UFL1: variants seen among roughly 807,000 people sequenced by gnomAD.
UFL1 encodes the protein UFM1 specific ligase 1.
In UFL1, 78 loss-of-function variants were observed where a neutral mutation model predicts 99.3. The ratio of observed to expected loss-of-function variants is 0.79; its 90% CI spans 0.65 to 0.95. The LOEUF (loss-of-function observed/expected upper bound fraction) is 0.95. Ranked by LOEUF, UFL1 falls within the 40% of genes least tolerant of loss-of-function variation. The pLI, the probability that UFL1 is intolerant of heterozygous loss-of-function variation, is 0.00. For missense variants in UFL1, 936 were observed against 937.0 expected (o/e 1.00, Z 0.01); for synonymous variants, 335 against 322.2 (o/e 1.04, Z -0.42).
rs182918573 is a variant in UFL1 at position 96,541,712 on chromosome 6, C to G, written c.1279+1057C>G. On this transcript the variant is annotated intron_variant, in intron 11 of 18. Coordinates refer to ENST00000369278, the MANE Select transcript of UFL1 (RefSeq NM_015323.5). ...GCCTTACTCAATTGATGACTTATGTCAGTATAACTAGTCTATTTAATATTT... is the reference window on the plus strand; with the variant it reads ...GCCTTACTCAATTGATGACTTATGTGAGTATAACTAGTCTATTTAATATTT... Among the ~76,000 whole-genome samples the G allele has an allele frequency of 2.0e-5, 3 of 151,206 alleles. No homozygotes were observed. The Admixed American group carries it at 2.0e-4, about 10-fold the overall frequency.
rs755280673 is a variant in UFL1 at position 96,523,127 on chromosome 6, C to CT, written c.78-12dup. 1.3e-6 allele frequency: 2 copies of CT among 1,580,978 alleles called. No individual in the cohort carries two copies. Among genetic ancestry groups the CT allele is most frequent in the Non-Finnish European group, 1.7e-6 (2 of 1,165,020 alleles). On this transcript the variant is annotated intron_variant, in intron 1 of 18. Coordinates refer to ENST00000369278, the MANE Select transcript of UFL1 (RefSeq NM_015323.5). ...TGTCTCAAGTGGACTTTTGAAACAA[C>CT]TTTTTTTCTTTCCCTCAGGTTGTCC...
chr6:96,542,861 A>T, intron 11 of UFL1, 33 bp from the exon 12 acceptor site: 1 of 1,518,610 alleles, frequency 6.6e-7, no homozygotes, highest in Non-Finnish European at 8.8e-7. Flanking sequence ...TGATTTAGTT[A>T]GGTAATGCTA....
rs1007285291 is a variant in UFL1, at chr6:96,548,106, A to T, written c.1403-58A>T. 1.8e-5 allele frequency: 21 copies of T among 1,157,712 alleles called. No individual in the cohort carries two copies. The African/African-American group carries it at 3.2e-4, about 17-fold the overall frequency. The allele number at this position is 1,157,712 out of a possible 1,614,324, so 71.7% of individuals were successfully genotyped here. A position where few individuals can be genotyped will look rare whatever the true frequency, so the allele number is the denominator to read the frequency against. On this transcript the variant is annotated intron_variant, in intron 12 of 18. Coordinates refer to ENST00000369278, the MANE Select transcript of UFL1 (RefSeq NM_015323.5). Reference sequence around the variant, plus strand: ...ATATAGTAATGGAGCCCTATTTGCCATTTGGTTGCATGTTTTTTATTTATT... The same window carrying T: ...ATATAGTAATGGAGCCCTATTTGCCTTTTGGTTGCATGTTTTTTATTTATT...
At position 96,537,659 on chromosome 6, in the gene UFL1, C is replaced by T. The variant is rs1322517165; in HGVS notation, c.978+110C>T. 3 of 1,058,898 alleles carry T rather than the reference C, an allele frequency of 2.8e-6. No individual in the cohort carries two copies. The Admixed American group carries it at 9.1e-5, about 32-fold the overall frequency. 65.6% of individuals were successfully genotyped at this position (1,058,898 alleles called of 1,614,324 possible). A position where few individuals can be genotyped will look rare whatever the true frequency, so the allele number is the denominator to read the frequency against. ...ATAAAGGTGGTCTTGGCTTTGGAGG[C>T]AAATTCTAATCATTGTTATAACAAA... On this transcript the variant is annotated intron_variant, in intron 9 of 18. Transcript: ENST00000369278.
intron 6 of UFL1, among the ~76,000 whole-genome samples, chr6:96,534,057 GA>G (rs1235457347): frequency 6.6e-6 from 1 of 151,844 alleles, no homozygotes; most frequent in African/African-American, 2.4e-5. Flanking sequence ...AATGTAAACT[GA>G]TCCTTGATTG....
At position 96,539,728 on chromosome 6, in the gene UFL1, A is replaced by T. The variant is rs189224469; in HGVS notation, c.1159-807A>T. On this transcript the variant is annotated intron_variant, in intron 10 of 18. Coordinates refer to ENST00000369278, the MANE Select transcript of UFL1 (RefSeq NM_015323.5). Reference sequence around the variant, plus strand: ...AAATGTTTGTTCCATGTTAACTAGCAGTTAGTAAATGACTCTTACTTTTAT... The same window carrying T: ...AAATGTTTGTTCCATGTTAACTAGCTGTTAGTAAATGACTCTTACTTTTAT... Among the ~76,000 whole-genome samples, 11 of 151,712 alleles carry T rather than the reference A, an allele frequency of 7.3e-5. No individual in the cohort carries two copies. The East Asian group carries it at 1.9e-3, about 27-fold the overall frequency.
chr6:96,549,648 T>A, intron 14 of UFL1, 21 bp from the exon 15 acceptor site: 1 of 1,596,638 alleles, frequency 6.3e-7, no homozygotes, highest in Non-Finnish European at 8.5e-7. Context: ...TTAGTTTTAA[T>A]AAAGGTCCTT....
At chr6:96,532,703 G>A (rs1433452060) in intron 6 of UFL1, among the ~76,000 whole-genome samples, 3 of 152,212 alleles carry the variant, frequency 2.0e-5, no homozygotes, top group Admixed American at 1.3e-4. Flanking sequence ...GTAAATTGAA[G>A]CAGCTTGAAA....
At chr6:96,541,007 C>T (rs1330754841) in intron 11 of UFL1, among the ~76,000 whole-genome samples, 4 of 151,218 alleles carry the variant, frequency 2.6e-5, no homozygotes, top group Admixed American at 1.3e-4. Flanking sequence ...AAAGCTTTTA[C>T]ACCAACTGTT....
At chr6:96,523,316 T>A (rs777633933) in intron 2 of UFL1, 25 bp downstream of exon 2, 1 of 1,552,014 alleles carries the variant, frequency 6.4e-7, no homozygotes, top group South Asian at 1.2e-5. Context: ...AGTGTTTTTT[T>A]TTTTCTTGGA....
intron 6 of UFL1, among the ~76,000 whole-genome samples, chr6:96,531,992 T>A (rs1288386692): frequency 6.6e-6 from 1 of 152,222 alleles, no homozygotes; most frequent in Non-Finnish European, 1.5e-5. Context: ...GACACCTGCA[T>A]CTCTGACTTT....
intron 1 of UFL1, chr6:96,522,930 C>T: frequency 2.7e-6 from 1 of 374,154 alleles, no homozygotes; most frequent in Non-Finnish European, 4.7e-6. Flanking sequence ...TGATGTGTAC[C>T]AATTAAATAA....
At chr6:96,542,849 G>T (rs750932134) in intron 11 of UFL1, 45 bp from the exon 12 acceptor site, 2 of 1,480,926 alleles carry the variant, frequency 1.4e-6, no homozygotes, top group South Asian at 1.4e-5. Flanking sequence ...TTATAAAAAT[G>T]ATGATTTAGT....
chr6:96,533,817 A>G (rs1475575386), intron 6 of UFL1, among the ~76,000 whole-genome samples: 1 of 147,886 alleles, frequency 6.8e-6, no homozygotes, highest in East Asian at 2.0e-4. Context: ...AAAAAAAAAA[A>G]GATTTTAAAT....
intron 12 of UFL1, among the ~76,000 whole-genome samples, chr6:96,547,166 T>C (rs376142090): frequency 1.7e-4 from 25 of 151,462 alleles, no homozygotes; most frequent in Non-Finnish European, 3.5e-4. Flanking sequence ...GAGCAAAGGA[T>C]ATGAACAGAT....
intron 4 of UFL1, 145 bp downstream of exon 4, chr6:96,525,539 C>T: frequency 1.5e-6 from 1 of 680,258 alleles, no homozygotes; most frequent in Non-Finnish European, 2.5e-6. Flanking sequence ...AGGTTTATTT[C>T]ACTTAAAAAG....
At chr6:96,523,015 A>G in intron 1 of UFL1, 131 bp from the exon 2 acceptor site, 1 of 798,530 alleles carries the variant, frequency 1.3e-6, no homozygotes, top group Admixed American at 3.5e-5. Context: ...AGTGAAAAAT[A>G]CAGATATTGT....
chr6:96,532,948 AAC>A (rs1354099728), intron 6 of UFL1, among the ~76,000 whole-genome samples: 8 of 152,316 alleles, frequency 5.3e-5, no homozygotes, highest in Middle Eastern at 3.4e-3. Context: ...TTTACTCAAA[AAC>A]ACAGAAGTTT....
At chr6:96,527,076 T>A (rs991319823) in intron 5 of UFL1, among the ~76,000 whole-genome samples, 5 of 152,220 alleles carry the variant, frequency 3.3e-5, no homozygotes, top group Non-Finnish European at 7.4e-5. Flanking sequence ...AAATATCTTA[T>A]GTGTGATAAC....
Sources: gnomAD v4.1 joint callset for allele counts (sites outside exome capture counted in the v4.1 genomes callset) on GRCh38, gnomAD v4.1.1 for gene constraint, MANE v1.5 for transcripts, NCBI Gene and HGNC (gene_info 2026-07-23, HGNC 2026-07-21) for gene names.